MSH3: variants seen among roughly 807,000 people sequenced by gnomAD.
MSH3 encodes the protein mutS homolog 3.
In MSH3, 106 loss-of-function variants were observed where a neutral mutation model predicts 123.3. That is an observed-to-expected ratio of 0.86 (90% confidence interval 0.73 to 1.01). MSH3 has a LOEUF of 1.01. MSH3 is among the 50% of genes least tolerant of loss of function. The probability of loss-of-function intolerance (pLI) is 0.00; values close to 1 mark genes in which losing one functional copy is unlikely to be tolerated. For synonymous variants in MSH3, 515 were observed against 481.4 expected, an observed-to-expected ratio of 1.07 and a Z score of -0.91; for missense variants, 1,459 against 1,347.6, an observed-to-expected ratio of 1.08 and a Z score of -1.29.
At chr5:80,694,603 A>G (rs1181393639) in intron 8 of MSH3, among the ~76,000 whole-genome samples, 3 of 149,754 alleles carry the variant, frequency 2.0e-5, no homozygotes, top group South Asian at 4.2e-4. Flanking sequence ...CTTTTTTTTT[A>G]TTTTTTCCTT....
intron 12 of MSH3, among the ~76,000 whole-genome samples, chr5:80,751,919 T>A (rs1743846785): frequency 6.6e-6 from 1 of 152,134 alleles, no homozygotes; most frequent in African/African-American, 2.4e-5. Flanking sequence ...TTTTGATTAT[T>A]ATTTAAATGT....
At chr5:80,704,071 CCTT>C (rs1750668203) in intron 8 of MSH3, among the ~76,000 whole-genome samples, 1 of 152,112 alleles carries the variant, frequency 6.6e-6, no homozygotes, top group African/African-American at 2.4e-5. Flanking sequence ...CTTTGACACT[CCTT>C]CTGCTGAAGT....
chr5:80,805,363 T>C (rs1580060265), intron 19 of MSH3, among the ~76,000 whole-genome samples: 1 of 152,314 alleles, frequency 6.6e-6, no homozygotes, highest in East Asian at 1.9e-4. Flanking sequence ...TAAGTCTTCT[T>C]AATATTATTT....
At chr5:80,814,156 A>C (rs1362787174) in intron 20 of MSH3, among the ~76,000 whole-genome samples, 1 of 151,802 alleles carries the variant, frequency 6.6e-6, no homozygotes, top group Non-Finnish European at 1.5e-5. Flanking sequence ...AAACAAAAAC[A>C]GAAAAAAAAC....
intron 21 of MSH3, among the ~76,000 whole-genome samples, chr5:80,863,951 G>A (rs547497836): frequency 3.0e-4 from 45 of 152,232 alleles, no homozygotes; most frequent in African/African-American, 1.0e-3. Context: ...TGATTATCTC[G>A]TGGATCTGGA....
chr5:80,664,592 G>A (rs1749521188), intron 2 of MSH3, among the ~76,000 whole-genome samples: 1 of 152,180 alleles, frequency 6.6e-6, no homozygotes, highest in Non-Finnish European at 1.5e-5. Context: ...AGTTGTCTTT[G>A]AGCTTGGAGT....
intron 8 of MSH3, among the ~76,000 whole-genome samples, chr5:80,695,496 A>C (rs1750459092): frequency 6.6e-6 from 1 of 151,872 alleles, no homozygotes; most frequent in South Asian, 2.1e-4. Context: ...CACCACGCCC[A>C]GCTAATTTTT....
intron 8 of MSH3, among the ~76,000 whole-genome samples, chr5:80,690,410 C>T (rs778028386): frequency 6.6e-6 from 1 of 152,034 alleles, no homozygotes; most frequent in Non-Finnish European, 1.5e-5. Flanking sequence ...TGGGTTCAAG[C>T]GATTCTTCTG....
chr5:80,686,131 T>G (rs2112824368), intron 8 of MSH3, among the ~76,000 whole-genome samples: 1 of 152,320 alleles, frequency 6.6e-6, no homozygotes, highest in Middle Eastern at 3.4e-3. Flanking sequence ...CTCTACATGC[T>G]GAGGAAAAGA....
chr5:80,731,405 A>G (rs898050165), intron 10 of MSH3, among the ~76,000 whole-genome samples: 2 of 152,136 alleles, frequency 1.3e-5, no homozygotes, highest in African/African-American at 2.4e-5. Context: ...TGTATCATCT[A>G]ATCTACCTGT....
chr5:80,819,940 T>C (rs1202169429), intron 20 of MSH3, among the ~76,000 whole-genome samples: 2 of 152,194 alleles, frequency 1.3e-5, no homozygotes, highest in Non-Finnish European at 2.9e-5. Context: ...CCCCTGTCTT[T>C]AAGGAGCTCA....
At chr5:80,666,718 C>T (rs1749582738) in intron 3 of MSH3, among the ~76,000 whole-genome samples, 1 of 152,108 alleles carries the variant, frequency 6.6e-6, no homozygotes, top group Non-Finnish European at 1.5e-5. Flanking sequence ...AGAAGCAGTG[C>T]CATTATTACA....
chr5:80,663,390 A>G (rs1749488246), intron 2 of MSH3, among the ~76,000 whole-genome samples: 4 of 152,170 alleles, frequency 2.6e-5, no homozygotes, highest in African/African-American at 7.2e-5. Flanking sequence ...TTTTGGAGCA[A>G]TGATATGTGC....
chr5:80,671,768 G>A (rs968389248), intron 4 of MSH3, among the ~76,000 whole-genome samples: 2 of 152,160 alleles, frequency 1.3e-5, no homozygotes, highest in Non-Finnish European at 2.9e-5. Context: ...TCTATCAGTC[G>A]TGCATCATTA....
intron 22 of MSH3, among the ~76,000 whole-genome samples, chr5:80,871,079 A>G (rs146560728): frequency 2.7e-4 from 41 of 151,740 alleles, no homozygotes; most frequent in African/African-American, 9.2e-4. Context: ...GTGTATGTAT[A>G]TATATGACAG....
chr5:80,744,446 A>G, intron 11 of MSH3, 60 bp from the exon 12 acceptor site: 2 of 1,227,368 alleles, frequency 1.6e-6, no homozygotes, highest in Non-Finnish European at 2.4e-6. Context: ...GGTATATGAA[A>G]TAACAATTTG....
intron 17 of MSH3, among the ~76,000 whole-genome samples, chr5:80,781,791 C>T (rs1744414548): frequency 6.6e-6 from 1 of 152,128 alleles, no homozygotes; most frequent in Admixed American, 6.5e-5. Flanking sequence ...CTTCTAACAG[C>T]CCATTATTAC....
intron 12 of MSH3, among the ~76,000 whole-genome samples, chr5:80,752,039 A>T (rs978580057): frequency 1.3e-5 from 2 of 152,136 alleles, no homozygotes; most frequent in African/African-American, 4.8e-5. Context: ...CTGAAAAGTT[A>T]TTCTCTTATC....
At chr5:80,766,339 CTTTTTT>C (rs1166492002) in intron 13 of MSH3, among the ~76,000 whole-genome samples, 4 of 78,222 alleles carry the variant, frequency 5.1e-5, no homozygotes, top group South Asian at 9.0e-4. Flanking sequence ...TGTTTTTTTC[CTTTTTT>C]TTTTTTTTTT....
Sources: gnomAD v4.1 joint callset for allele counts (sites outside exome capture counted in the v4.1 genomes callset) on GRCh38, gnomAD v4.1.1 for gene constraint, MANE v1.5 for transcripts, NCBI Gene and HGNC (gene_info 2026-07-23, HGNC 2026-07-21) for gene names.